The following MED30 variants were observed in gnomAD, a reference collection of about 807,000 sequenced individuals.
MED30 encodes mediator complex subunit 30, also known as mediator of RNA polymerase II transcription subunit 30.
In MED30, 8 loss-of-function variants were observed where a neutral mutation model predicts 21.7. That is an observed-to-expected ratio of 0.37 (90% confidence interval 0.22 to 0.67). The LOEUF (loss-of-function observed/expected upper bound fraction) is 0.67, where lower values mean the gene tolerates loss of function less well. Among genes scored for constraint, MED30 ranks in the 30% least tolerant of loss-of-function variants. The pLI, the probability that MED30 is intolerant of heterozygous loss-of-function variation, is 0.58. For missense variants in MED30, 203 were observed against 228.2 expected, an observed-to-expected ratio of 0.89 and a Z score of 0.71; for synonymous variants, 79 against 86.7, an observed-to-expected ratio of 0.91 and a Z score of 0.49.
chr8:117,524,931 T>G (rs1011277921), intron 1 of MED30, among the ~76,000 whole-genome samples: 3 of 152,216 alleles, frequency 2.0e-5, no homozygotes, highest in African/African-American at 7.2e-5. Flanking sequence ...CCTTATCCTT[T>G]TTATAGTGTA....
intron 3 of MED30, among the ~76,000 whole-genome samples, chr8:117,531,687 CAG>C (rs982405203): frequency 2.6e-5 from 4 of 151,860 alleles, no homozygotes; most frequent in Middle Eastern, 3.4e-3. Flanking sequence ...ATTAGCAAGA[CAG>C]TGTGTTTTTT....
intron 3 of MED30, among the ~76,000 whole-genome samples, chr8:117,534,850 GTTTTTT>G (rs3040827): frequency 8.3e-6 from 1 of 121,048 alleles, no homozygotes; most frequent in Non-Finnish European, 1.7e-5. Flanking sequence ...CAAACAAATT[GTTTTTT>G]TTTTTTTTTT....
intron 3 of MED30, 69 bp downstream of exon 3, chr8:117,530,896 A>C: frequency 9.8e-7 from 1 of 1,022,320 alleles, no homozygotes; most frequent in Non-Finnish European, 1.5e-6. Context: ...GTCTGATGTA[A>C]CTCCAAAACA....
At chr8:117,521,197 G>C (rs929417473) in intron 1 of MED30, 144 bp downstream of exon 1, 1 of 730,642 alleles carries the variant, frequency 1.4e-6, no homozygotes, top group Admixed American at 3.9e-5. Context: ...TCACACTCAA[G>C]AGTGTCCCCA....
intron 3 of MED30, among the ~76,000 whole-genome samples, chr8:117,535,112 CA>C (rs1818853738): frequency 6.6e-6 from 1 of 151,920 alleles, no homozygotes; most frequent in Non-Finnish European, 1.5e-5. Flanking sequence ...TTGTTTCCCT[CA>C]AACAATTTTA....
intron 1 of MED30, chr8:117,523,261 T>A: frequency 9.0e-7 from 1 of 1,105,472 alleles, no homozygotes; most frequent in Non-Finnish European, 1.4e-6. Flanking sequence ...TCCTCTCCAA[T>A]TTTACTGAGG....
intron 3 of MED30, among the ~76,000 whole-genome samples, chr8:117,537,550 A>G: frequency 6.6e-6 from 1 of 152,240 alleles, no homozygotes; most frequent in East Asian, 1.9e-4. Flanking sequence ...TATATTAATT[A>G]TTTAAAAATT....
chr8:117,539,421 C>T (rs1056630817), intron 3 of MED30, among the ~76,000 whole-genome samples: 1 of 151,694 alleles, frequency 6.6e-6, no homozygotes, highest in African/African-American at 2.4e-5. Flanking sequence ...ACCCAGGAGG[C>T]TGAGATTGCA....
chr8:117,520,979 C>G lies in MED30; in HGVS notation c.103C>G (p.Arg35Gly). 1 of 1,613,110 alleles carries G rather than the reference C, an allele frequency of 6.2e-7. No homozygotes were observed. The highest frequency in any genetic ancestry group is 8.5e-7 in the Non-Finnish European group (1 of 1,179,504). The change falls in exon 1 of 4, where the codon CGC becomes GGC. Residue 35 changes from arginine to glycine, a missense_variant. Arg to Gly is a moderately radical substitution (Grantham distance 125). Coordinates refer to ENST00000297347, the MANE Select transcript of MED30 (RefSeq NM_080651.4). ...AREVNTASLCRIGQETVQDIV... is the reference protein window; with the variant it reads ...AREVNTASLCGIGQETVQDIV... ...GGAAGTCAACACGGCGTCGCTGTGCCGCATCGGGCAGGAGACAGTGCAGGA... is the reference window on the plus strand; with the variant it reads ...GGAAGTCAACACGGCGTCGCTGTGCGGCATCGGGCAGGAGACAGTGCAGGA...
At chr8:117,533,159 T>C (rs1586864526) in intron 3 of MED30, among the ~76,000 whole-genome samples, 1 of 152,152 alleles carries the variant, frequency 6.6e-6, no homozygotes, top group Non-Finnish European at 1.5e-5. Flanking sequence ...AGATACTTTT[T>C]CTATATTTAC....
At chr8:117,535,567 G>A (rs903478854) in intron 3 of MED30, among the ~76,000 whole-genome samples, 5 of 151,728 alleles carry the variant, frequency 3.3e-5, no homozygotes, top group African/African-American at 9.7e-5. Context: ...ACACACACCC[G>A]AGGGTGTTTC....
At chr8:117,526,612 A>G (rs1369308546) in intron 1 of MED30, among the ~76,000 whole-genome samples, 6 of 152,022 alleles carry the variant, frequency 3.9e-5, no homozygotes, top group Non-Finnish European at 7.4e-5. Context: ...TTTCAGCTGA[A>G]CAGCTACACC....
At chr8:117,522,062 G>C (rs1779540235) in intron 1 of MED30, among the ~76,000 whole-genome samples, 1 of 152,142 alleles carries the variant, frequency 6.6e-6, no homozygotes, top group African/African-American at 2.4e-5. Context: ...GAGGGTTCTA[G>C]TTTCTCCTCA....
chr8:117,523,421 G>A, intron 1 of MED30: 1 of 1,563,250 alleles, frequency 6.4e-7, no homozygotes, highest in Non-Finnish European at 8.8e-7. Flanking sequence ...AGTCTTGCAG[G>A]TCGCTCACCC....
rs117958249 is a variant in MED30, at chr8:117,535,579, C to T, written c.442-4304C>T. On this transcript the variant is annotated intron_variant, in intron 3 of 3. Transcript: ENST00000297347. ...GGCACACACACCCGAGGGTGTTTCT[C>T]GTAGTGAAAACTGGCTATAGATGAT... Among the ~76,000 whole-genome samples the T allele has an allele frequency of 2.2e-3, 327 of 151,704 alleles. 15 individuals carry two copies. The East Asian group carries it at 0.058, about 27-fold the overall frequency.
intron 3 of MED30, among the ~76,000 whole-genome samples, chr8:117,534,410 T>C (rs886112618): frequency 7.2e-5 from 11 of 152,312 alleles, no homozygotes; most frequent in Non-Finnish European, 1.0e-4. Flanking sequence ...TAAATTTTTT[T>C]CCCCATTTTT....
At chr8:117,535,596 A>G (rs1411635803) in intron 3 of MED30, among the ~76,000 whole-genome samples, 4 of 152,052 alleles carry the variant, frequency 2.6e-5, no homozygotes, top group African/African-American at 4.8e-5. Context: ...AAAACTGGCT[A>G]TAGATGATAA....
At chr8:117,530,910 T>C in intron 3 of MED30, 83 bp downstream of exon 3, 1 of 929,932 alleles carries the variant, frequency 1.1e-6, no homozygotes, top group Non-Finnish European at 1.7e-6. Context: ...CAAAACATAA[T>C]TTGAATTATC....
At chr8:117,537,051 A>G (rs1818890376) in intron 3 of MED30, among the ~76,000 whole-genome samples, 1 of 152,214 alleles carries the variant, frequency 6.6e-6, no homozygotes. Flanking sequence ...GGGACATCAG[A>G]ATGAGTTTTA....
Sources: allele counts gnomAD v4.1 joint callset (sites outside exome capture counted in the v4.1 genomes callset), GRCh38; gene constraint gnomAD v4.1.1; transcripts MANE v1.5; gene names NCBI Gene and HGNC (gene_info 2026-07-23, HGNC 2026-07-21).